The following SLC14A2 variants were observed in gnomAD, a reference collection of about 807,000 sequenced individuals.
The protein encoded by SLC14A2 is urea transporter 2.
A neutral mutation model predicts 104.6 loss-of-function variants in SLC14A2; 91 were observed. The observed-to-expected ratio is 0.87, with a 90% CI of 0.73 to 1.04. SLC14A2 has a LOEUF of 1.04. SLC14A2 is among the 50% of genes least tolerant of loss of function. SLC14A2 has a pLI of 0.00. For synonymous variants in SLC14A2, 476 were observed against 466.4 expected, an observed-to-expected ratio of 1.02 and a Z score of -0.27; for missense variants, 1,189 against 1,156.0, an observed-to-expected ratio of 1.03 and a Z score of -0.41.
chr18:45,316,148 G>A (rs2085127192), intron 1 of SLC14A2, among the ~76,000 whole-genome samples: 1 of 152,174 alleles, frequency 6.6e-6, no homozygotes, highest in African/African-American at 2.4e-5. Flanking sequence ...AGAGCCCAGA[G>A]GAGAAAAGTA....
intron 2 of SLC14A2, among the ~76,000 whole-genome samples, chr18:45,488,174 G>GA (rs2087647123): frequency 6.6e-6 from 1 of 152,172 alleles, no homozygotes; most frequent in Non-Finnish European, 1.5e-5. Context: ...TGGACTCTTT[G>GA]AGGATGTATG....
At chr18:45,260,534 C>A (rs993339409) in intron 1 of SLC14A2, among the ~76,000 whole-genome samples, 2 of 151,984 alleles carry the variant, frequency 1.3e-5, no homozygotes, top group Non-Finnish European at 2.9e-5. Flanking sequence ...GCACTATTCA[C>A]AATAGAAAAG....
intron 1 of SLC14A2, among the ~76,000 whole-genome samples, chr18:45,367,178 C>T (rs572758734): frequency 6.6e-6 from 1 of 152,212 alleles, no homozygotes; most frequent in Non-Finnish European, 1.5e-5. Context: ...ATGAGAGAAA[C>T]TTTGAAGTCC....
rs71177672 is a variant in SLC14A2 at position 45,235,813 on chromosome 18, GTATATA to G, written c.-125+22635_-125+22640del. Among the ~76,000 whole-genome samples, 623 of 93,178 alleles carry G rather than the reference GTATATA, an allele frequency of 6.7e-3. 3 individuals carry two copies. Among genetic ancestry groups the G allele is most frequent in the African/African-American group, 8.4e-3 (150 of 17,868 alleles). The allele number at this position is 93,178 out of a possible 152,430, so 61.1% of individuals were successfully genotyped here. On this transcript the variant is annotated intron_variant, in intron 1 of 20. Transcript: ENST00000586448. ...TGTATGCGCGTGTGTGTGTGTGTGT[GTATATA>G]TATATATATATACGTGTATATATAT...
chr18:45,357,042 G>T (rs2085561359), intron 1 of SLC14A2, among the ~76,000 whole-genome samples: 2 of 152,058 alleles, frequency 1.3e-5, no homozygotes, highest in Non-Finnish European at 2.9e-5. Context: ...GTTTAATTAG[G>T]GTTATATACA....
chr18:45,638,105 G>A (rs1334758287), intron 6 of SLC14A2, among the ~76,000 whole-genome samples: 2 of 152,148 alleles, frequency 1.3e-5, no homozygotes, highest in East Asian at 1.9e-4. Context: ...AAAGGTGGAC[G>A]TGAACTCCCC....
intron 1 of SLC14A2, among the ~76,000 whole-genome samples, chr18:45,312,049 T>G (rs896435981): frequency 6.6e-6 from 1 of 152,202 alleles, no homozygotes; most frequent in Non-Finnish European, 1.5e-5. Flanking sequence ...CCATAGTGGG[T>G]GACACATGAG....
chr18:45,271,656 CA>C (rs556480387), intron 1 of SLC14A2, among the ~76,000 whole-genome samples: 10 of 151,728 alleles, frequency 6.6e-5, no homozygotes, highest in African/African-American at 2.4e-4. Flanking sequence ...AAAAGAACAC[CA>C]AAAAATGGAG....
At position 45,499,726 on chromosome 18, in the gene SLC14A2, A is replaced by G. The variant is rs369744593; in HGVS notation, c.-35+16404A>G. 2.8e-4 allele frequency among the ~76,000 whole-genome samples: 43 copies of G among 152,240 alleles called. No homozygotes were observed. The East Asian group carries it at 2.9e-3, about 10-fold the overall frequency. On this transcript the variant is annotated intron_variant, in intron 2 of 20. Coordinates refer to the SLC14A2 transcript ENST00000586448. ...AGGAGGGTGTCAACATTGGGTTTTAATCCCATCTTGGGCACCACATTGTGA... is the reference window on the plus strand; with the variant it reads ...AGGAGGGTGTCAACATTGGGTTTTAGTCCCATCTTGGGCACCACATTGTGA...
Position 45,235,256 on chromosome 18 carries a change from T to C in SLC14A2, c.-125+22065T>C, listed in dbSNP as rs749829402. 9.2e-5 allele frequency among the ~76,000 whole-genome samples: 14 copies of C among 152,200 alleles called. 1 individual carries two copies. Among genetic ancestry groups the C allele is most frequent in the Non-Finnish European group, 1.9e-4 (13 of 68,040 alleles). ...CACTCAGATTCTAAACAGATTCTCCTTTTCTTTTCATTAAAATGCTTTATT... is the reference window on the plus strand; with the variant it reads ...CACTCAGATTCTAAACAGATTCTCCCTTTCTTTTCATTAAAATGCTTTATT... On this transcript the variant is annotated intron_variant, in intron 1 of 20. Transcript: ENST00000586448.
chr18:45,470,637 A>T (rs1032886802), intron 1 of SLC14A2, among the ~76,000 whole-genome samples: 2 of 152,142 alleles, frequency 1.3e-5, no homozygotes, highest in African/African-American at 4.8e-5. Context: ...TAGTTTATAC[A>T]ATATATTTAA....
the SLC14A2 span, among the ~76,000 whole-genome samples, chr18:45,183,533 T>G: frequency 6.6e-6 from 1 of 152,174 alleles, no homozygotes; most frequent in African/African-American, 2.4e-5. Flanking sequence ...CCAAAATATT[T>G]CCCATTAGCT....
At chr18:45,409,319 A>T (rs528980553) in intron 1 of SLC14A2, among the ~76,000 whole-genome samples, 1 of 152,136 alleles carries the variant, frequency 6.6e-6, no homozygotes, top group African/African-American at 2.4e-5. Context: ...TGTTTTTATT[A>T]TTTTCACCCT....
intron 5 of SLC14A2, among the ~76,000 whole-genome samples, chr18:45,634,061 T>C (rs1029047454): frequency 2.6e-5 from 4 of 152,138 alleles, no homozygotes; most frequent in African/African-American, 9.7e-5. Flanking sequence ...GCAATTAGAC[T>C]TCAGTGCCCC....
At chr18:45,348,674 G>A (rs778619854) in intron 1 of SLC14A2, among the ~76,000 whole-genome samples, 18 of 152,158 alleles carry the variant, frequency 1.2e-4, no homozygotes, top group African/African-American at 1.9e-4. Context: ...AATTCTGTAC[G>A]TGCCATATCC....
chr18:45,656,085 G>C (rs1033102485), intron 10 of SLC14A2, among the ~76,000 whole-genome samples: 3 of 152,218 alleles, frequency 2.0e-5, no homozygotes, highest in Non-Finnish European at 4.4e-5. Context: ...AGATTGGAAT[G>C]TATGTATTGA....
chr18:45,432,971 C>T lies in SLC14A2; in HGVS notation c.-124-50262C>T, dbSNP rs535214435. Among the ~76,000 whole-genome samples, 24 of 152,296 alleles carry T rather than the reference C, an allele frequency of 1.6e-4. No homozygotes were observed. The East Asian group carries it at 4.6e-3, about 29-fold the overall frequency. The stretch of plus-strand genomic sequence containing the variant: ...AGCCCAAAGGCCTATTTTGCCACCA[C>T]AGATTTGCTAACTGTTTTCTACTCT... On this transcript the variant is annotated intron_variant, in intron 1 of 20. Transcript: ENST00000586448.
At chr18:45,493,423 G>A (rs1057438759) in intron 2 of SLC14A2, among the ~76,000 whole-genome samples, 6 of 152,172 alleles carry the variant, frequency 3.9e-5, no homozygotes, top group Admixed American at 1.3e-4. Context: ...GCTGCCCAAA[G>A]ATAGAATTCA....
the SLC14A2 span, among the ~76,000 whole-genome samples, chr18:45,204,518 G>A: frequency 2.6e-5 from 4 of 152,224 alleles, 1 homozygote; most frequent in South Asian, 6.2e-4. Context: ...ATAAGTGTGG[G>A]TTTAAAGTCA....
Sources: gnomAD v4.1 joint callset for allele counts (sites outside exome capture counted in the v4.1 genomes callset) on GRCh38, gnomAD v4.1.1 for gene constraint, MANE v1.5 for transcripts, NCBI Gene and HGNC (gene_info 2026-07-23, HGNC 2026-07-21) for gene names.